The following ANKRD36C variants were observed in gnomAD, a reference collection of about 807,000 sequenced individuals.
The protein encoded by ANKRD36C is ankyrin repeat domain-containing protein 36C.
In ANKRD36C, 61 loss-of-function variants were observed where a neutral mutation model predicts 276.4. The ratio of observed to expected loss-of-function variants is 0.22; its 90% confidence interval spans 0.18 to 0.27. The LOEUF (loss-of-function observed/expected upper bound fraction) is 0.27. ANKRD36C is among the 10% of genes least tolerant of loss of function. ANKRD36C has a pLI of 1.00. For missense variants in ANKRD36C, 1,447 were observed against 2,032.3 expected, an observed-to-expected ratio of 0.71 and a Z score of 5.54; for synonymous variants, 483 against 680.1, an observed-to-expected ratio of 0.71 and a Z score of 4.51.
At chr2:95,908,298 T>G (rs536378422) in intron 42 of ANKRD36C, among the ~76,000 whole-genome samples, 1 of 150,864 alleles carries the variant, frequency 6.6e-6, no homozygotes, top group South Asian at 2.1e-4. Flanking sequence ...AATTTCAATA[T>G]GGGGAAGTGT....
intron 64 of ANKRD36C, chr2:95,852,397 G>C: frequency 3.6e-6 from 2 of 550,276 alleles, no homozygotes; most frequent in South Asian, 4.4e-5. Flanking sequence ...CACCCCTTCA[G>C]TCTGCATATT....
chr2:95,990,298 C>A (rs1235982924), intron 1 of ANKRD36C, among the ~76,000 whole-genome samples: 2 of 152,328 alleles, frequency 1.3e-5, no homozygotes, highest in African/African-American at 2.4e-5. Context: ...TCACCATTAT[C>A]CAATTCTATT....
chr2:95,916,041 A>C (rs745939438), exon 38 of ANKRD36C: 1 of 1,581,138 alleles, frequency 6.3e-7, no homozygotes. Flanking sequence ...AATCTTTCTC[A>C]TCACTTGTAG....
intron 46 of ANKRD36C, 136 bp downstream of exon 66, chr2:95,891,529 T>G: frequency 8.1e-7 from 1 of 1,229,900 alleles, no homozygotes; most frequent in South Asian, 1.4e-5. Context: ...ACCCAAGAAC[T>G]TATTTGAAAT....
At chr2:95,875,639 C>T (rs1405530177) in intron 59 of ANKRD36C, among the ~76,000 whole-genome samples, 3 of 151,688 alleles carry the variant, frequency 2.0e-5, no homozygotes, top group Non-Finnish European at 2.9e-5. Flanking sequence ...ATGTAACTAA[C>T]CTGCACATTG....
rs1677152718 is a variant in ANKRD36C at position 95,917,965 on chromosome 2, T to C, written c.2275-38A>G. 3.1e-6 allele frequency: 5 copies of C among 1,598,212 alleles called. No individual in the cohort carries two copies. The East Asian group carries it at 1.2e-4, about 37-fold the overall frequency. On this transcript the variant is annotated intron_variant, in intron 35 of 66. Transcript: ENST00000456556. ...TGAAAGAAAATAATAAATAAATAAATCAATGAAGTATGTGTCATAGAATAC... is the reference window on the plus strand; with the variant it reads ...TGAAAGAAAATAATAAATAAATAAACCAATGAAGTATGTGTCATAGAATAC...
intron 44 of ANKRD36C, 46 bp downstream of exon 62, chr2:95,895,350 ACTT>A (rs1323084128): frequency 1.6e-6 from 1 of 613,520 alleles, no homozygotes; most frequent in African/African-American, 2.4e-5. Context: ...GGGGAAGAGA[ACTT>A]CTTATCTGGA....
chr2:95,983,896 G>T (rs930583574), intron 3 of ANKRD36C, among the ~76,000 whole-genome samples: 2 of 151,646 alleles, frequency 1.3e-5, no homozygotes, highest in African/African-American at 4.8e-5. Context: ...GATTACAGGC[G>T]TGAGCCACTG....
exon 27 of ANKRD36C, chr2:95,927,391 G>T: frequency 1.2e-6 from 2 of 1,605,946 alleles, no homozygotes; most frequent in Non-Finnish European, 1.7e-6. Flanking sequence ...CTTCTCAGCT[G>T]GTTGTTTCTG....
intron 42 of ANKRD36C, among the ~76,000 whole-genome samples, chr2:95,910,785 G>C (rs1676893575): frequency 6.6e-6 from 1 of 151,304 alleles, no homozygotes; most frequent in Non-Finnish European, 1.5e-5. Flanking sequence ...TTCAAACACG[G>C]TACGATTTCT....
chr2:95,892,137 T>C (rs1478389083), intron 44 of ANKRD36C, among the ~76,000 whole-genome samples: 7 of 151,546 alleles, frequency 4.6e-5, no homozygotes, highest in Admixed American at 1.3e-4. Context: ...CGTGGATATG[T>C]CGAGTGATGA....
chr2:95,989,002 T>C (rs554025771), intron 1 of ANKRD36C, among the ~76,000 whole-genome samples: 4 of 152,202 alleles, frequency 2.6e-5, no homozygotes, highest in Admixed American at 2.6e-4. Flanking sequence ...ACCCCGTCTT[T>C]ACTAAAATAT....
intron 33 of ANKRD36C, 48 bp from the exon 34 acceptor site, chr2:95,921,727 A>G (rs761823797): frequency 6.3e-7 from 1 of 1,589,982 alleles, no homozygotes; most frequent in African/African-American, 1.4e-5. Flanking sequence ...TAAATGAAGC[A>G]TGTTTCATAG....
intron 19 of ANKRD36C, among the ~76,000 whole-genome samples, chr2:95,943,062 T>C (rs200215478): frequency 0.21 from 31,079 of 147,922 alleles, no homozygotes; most frequent in African/African-American, 0.31. Context: ...TAAGTACAGA[T>C]ATTATCAGCA....
chr2:95,952,940 C>T (rs1299117378), intron 14 of ANKRD36C, among the ~76,000 whole-genome samples: 3 of 148,144 alleles, frequency 2.0e-5, no homozygotes, highest in Non-Finnish European at 4.5e-5. Context: ...AGGAGCTTTA[C>T]AATTATTTTT....
At chr2:95,865,215 A>T (rs1675661101) in intron 60 of ANKRD36C, among the ~76,000 whole-genome samples, 1 of 152,012 alleles carries the variant, frequency 6.6e-6, no homozygotes, top group African/African-American at 2.4e-5. Flanking sequence ...TATTACCTCT[A>T]TAAAAGCAGA....
chr2:95,897,538 T>C lies in ANKRD36C; in HGVS notation c.2755+1607A>G. 20 of 1,507,994 alleles carry C rather than the reference T, an allele frequency of 1.3e-5. No homozygotes were observed. In the South Asian group the frequency reaches 2.4e-4, roughly 18 times the overall value. The allele number at this position is 1,507,994 out of a possible 1,614,324, so 93.4% of individuals were successfully genotyped here. ...AATTATCCACATATTCATGCAGTGT[T>C]AGCATCAACCTCCGTCCTCCTGCCT... is the stretch of plus-strand genomic sequence containing the variant. On this transcript the variant is annotated intron_variant, in intron 44 of 66. Coordinates refer to ENST00000456556, the Ensembl canonical transcript of ANKRD36C.
At chr2:95,893,379 T>C (rs573458732) in intron 44 of ANKRD36C, among the ~76,000 whole-genome samples, 154 bp downstream of exon 64, 1 of 151,364 alleles carries the variant, frequency 6.6e-6, no homozygotes, top group South Asian at 2.1e-4. Flanking sequence ...ACCAGCAGCA[T>C]CAGCATCACC....
At chr2:95,856,474 C>T (rs1350082728) in intron 62 of ANKRD36C, among the ~76,000 whole-genome samples, 1 of 151,942 alleles carries the variant, frequency 6.6e-6, no homozygotes, top group Non-Finnish European at 1.5e-5. Context: ...CAACAAATTG[C>T]AAGGCATAAA....
Sources: gnomAD v4.1 joint callset for allele counts (sites outside exome capture counted in the v4.1 genomes callset) on GRCh38, gnomAD v4.1.1 for gene constraint, MANE v1.5 for transcripts, NCBI Gene and HGNC (gene_info 2026-07-23, HGNC 2026-07-21) for gene names.